EPHA6: variants seen among roughly 807,000 people sequenced by gnomAD.
The protein encoded by EPHA6 is ephrin type-A receptor 6.
EPHA6 carries 50 observed loss-of-function variants against 112.0 expected under a neutral mutation model. The observed-to-expected ratio is 0.45, with a 90% confidence interval of 0.36 to 0.56. EPHA6 has a LOEUF of 0.56. EPHA6 is among the 20% of genes least tolerant of loss of function. The pLI, the probability that EPHA6 is intolerant of heterozygous loss-of-function variation, is 0.00. For missense variants in EPHA6, 1,280 were observed against 1,417.4 expected, an observed-to-expected ratio of 0.90 and a Z score of 1.56; for synonymous variants, 529 against 490.7, an observed-to-expected ratio of 1.08 and a Z score of -1.03.
chr3:96,836,466 A>C (rs2034420461), intron 1 of EPHA6, among the ~76,000 whole-genome samples: 2 of 152,120 alleles, frequency 1.3e-5, no homozygotes, highest in South Asian at 4.1e-4. Context: ...TAGCAATGGA[A>C]TACTGTTTGT....
intron 3 of EPHA6, among the ~76,000 whole-genome samples, chr3:97,059,086 T>C (rs114087999): frequency 0.014 from 2,145 of 152,178 alleles, 61 homozygotes; most frequent in African/African-American, 0.049. Context: ...AAGTAAAATA[T>C]ACAAAAGCAA....
At chr3:97,273,962 C>G (rs1019053473) in intron 5 of EPHA6, among the ~76,000 whole-genome samples, 2 of 152,124 alleles carry the variant, frequency 1.3e-5, no homozygotes, top group Non-Finnish European at 2.9e-5. Context: ...GGCAAATCCC[C>G]GAGCTTTATG....
intron 3 of EPHA6, among the ~76,000 whole-genome samples, chr3:97,032,273 G>A (rs1457763073): frequency 6.6e-6 from 1 of 152,004 alleles, no homozygotes; most frequent in African/African-American, 2.4e-5. Context: ...ACAGGAAGGG[G>A]AACATCACAC....
At chr3:97,386,062 A>G (rs1266098510) in intron 5 of EPHA6, among the ~76,000 whole-genome samples, 1 of 152,080 alleles carries the variant, frequency 6.6e-6, no homozygotes, top group Non-Finnish European at 1.5e-5. Context: ...TCAAAACACA[A>G]TCATGTTTTT....
At chr3:96,858,567 C>T (rs552023069) in intron 1 of EPHA6, among the ~76,000 whole-genome samples, 271 of 152,114 alleles carry the variant, frequency 1.8e-3, no homozygotes, top group Non-Finnish European at 3.1e-3. Flanking sequence ...ACCTGAAAGG[C>T]GCTGTTATCA....
chr3:97,237,998 A>G (rs2108569367), intron 4 of EPHA6, among the ~76,000 whole-genome samples: 1 of 152,118 alleles, frequency 6.6e-6, no homozygotes, highest in Non-Finnish European at 1.5e-5. Flanking sequence ...AATTATTACA[A>G]TTAGTTATTC....
chr3:97,093,024 A>C (rs2047122720), intron 3 of EPHA6, among the ~76,000 whole-genome samples: 1 of 152,102 alleles, frequency 6.6e-6, no homozygotes, highest in Non-Finnish European at 1.5e-5. Context: ...GAGAAGGCTG[A>C]CTAGCTTATT....
At chr3:97,543,651 TG>T (rs1357474584) in intron 11 of EPHA6, among the ~76,000 whole-genome samples, 1 of 152,128 alleles carries the variant, frequency 6.6e-6, no homozygotes, top group Non-Finnish European at 1.5e-5. Context: ...GGTAGCTTGA[TG>T]GGGATGGCAT....
intron 3 of EPHA6, among the ~76,000 whole-genome samples, chr3:97,218,034 A>T (rs533128221): frequency 6.6e-6 from 1 of 152,128 alleles, no homozygotes; most frequent in Admixed American, 6.6e-5. Flanking sequence ...ACTTTGGCAG[A>T]CCGAGGCAAG....
intron 1 of EPHA6, among the ~76,000 whole-genome samples, chr3:96,852,847 A>G (rs549933227): frequency 5.6e-4 from 86 of 152,222 alleles, no homozygotes; most frequent in Non-Finnish European, 1.1e-3. Context: ...AGCTAATAAG[A>G]TATTCTTATA....
rs551248729 is a variant in EPHA6 at position 96,818,274 on chromosome 3, T to G, written c.385+3266T>G. Among the ~76,000 whole-genome samples the G allele has an allele frequency of 8.5e-5, 13 of 152,124 alleles. No individual in the cohort carries two copies. In the South Asian group the frequency reaches 2.5e-3, roughly 29 times the overall value. ...ACCAGGGATCCATTCATTCAAAGAT[T>G]ATTCTGCAGCAAATACTACTTTATA... On this transcript the variant is annotated intron_variant, in intron 1 of 17. Transcript: ENST00000389672.
intron 3 of EPHA6, among the ~76,000 whole-genome samples, chr3:97,156,083 T>A (rs1366638412): frequency 2.0e-5 from 3 of 152,204 alleles, no homozygotes; most frequent in Non-Finnish European, 4.4e-5. Flanking sequence ...GGTTCCAACC[T>A]CATACCATAA....
At chr3:97,244,547 C>A in intron 5 of EPHA6, 1 of 454,960 alleles carries the variant, frequency 2.2e-6, no homozygotes, top group Non-Finnish European at 3.9e-6. Context: ...AATCATATAA[C>A]AATATATCTT....
chr3:97,617,186 T>A (rs1013360266), intron 13 of EPHA6, among the ~76,000 whole-genome samples: 19 of 152,024 alleles, frequency 1.2e-4, no homozygotes, highest in Non-Finnish European at 2.9e-5. Context: ...CTAAGCTTCA[T>A]AAGAAAAGGG....
rs138109144 is a variant in EPHA6 at position 96,918,230 on chromosome 3, T to C, written c.450+51341T>C. 4.5e-3 allele frequency among the ~76,000 whole-genome samples: 688 copies of C among 152,252 alleles called. 8 individuals carry two copies. Among genetic ancestry groups the C allele is most frequent in the African/African-American group, 0.015 (629 of 41,560 alleles). On this transcript the variant is annotated intron_variant, in intron 2 of 17. Coordinates refer to ENST00000389672, the MANE Select transcript of EPHA6 (RefSeq NM_001080448.3). Reference sequence around the variant, plus strand: ...TAGAGATTTACTCAGATGCTAGAGATTGAAGTAAATTTTTGAAGGGAAAAG... The same window carrying C: ...TAGAGATTTACTCAGATGCTAGAGACTGAAGTAAATTTTTGAAGGGAAAAG...
At chr3:97,566,401 G>T (rs1016360713) in intron 11 of EPHA6, among the ~76,000 whole-genome samples, 2 of 152,094 alleles carry the variant, frequency 1.3e-5, no homozygotes, top group Non-Finnish European at 2.9e-5. Context: ...CAACCTATCT[G>T]GTCAAATCCC....
chr3:97,578,897 A>G (rs1295055982), intron 11 of EPHA6, among the ~76,000 whole-genome samples: 1 of 152,228 alleles, frequency 6.6e-6, no homozygotes, highest in African/African-American at 2.4e-5. Context: ...ACTTTTAAAT[A>G]CAATCACACA....
intron 11 of EPHA6, among the ~76,000 whole-genome samples, chr3:97,582,464 G>T (rs895051741): frequency 6.6e-6 from 1 of 152,138 alleles, no homozygotes; most frequent in Admixed American, 6.6e-5. Flanking sequence ...ATGCACATTT[G>T]CAGGTAGAGA....
chr3:97,308,611 T>G (rs953548735), intron 5 of EPHA6, among the ~76,000 whole-genome samples: 2 of 151,760 alleles, frequency 1.3e-5, no homozygotes, highest in African/African-American at 4.8e-5. Flanking sequence ...CTGTGATATC[T>G]TCATTGTTCC....
Sources: allele counts gnomAD v4.1 joint callset (sites outside exome capture counted in the v4.1 genomes callset), GRCh38; gene constraint gnomAD v4.1.1; transcripts MANE v1.5; gene names NCBI Gene and HGNC (gene_info 2026-07-23, HGNC 2026-07-21).